The following CDH12 variants were observed in gnomAD, a reference collection of about 807,000 sequenced individuals.
CDH12 encodes cadherin-12.
A neutral mutation model predicts 74.1 loss-of-function variants in CDH12; 41 were observed. That is an observed-to-expected ratio of 0.55 (90% confidence interval 0.43 to 0.72). The LOEUF is 0.72. Ranked by LOEUF, CDH12 falls within the 30% of genes least tolerant of loss-of-function variation. The probability of loss-of-function intolerance (pLI) is 0.00; values close to 1 mark genes in which losing one functional copy is unlikely to be tolerated. For synonymous variants in CDH12, 399 were observed against 355.0 expected (o/e 1.12, Z -1.39); for missense variants, 945 against 977.2 (o/e 0.97, Z 0.44).
intron 4 of CDH12, among the ~76,000 whole-genome samples, chr5:22,083,507 T>A (rs776746624): frequency 1.3e-5 from 2 of 152,208 alleles, no homozygotes; most frequent in Non-Finnish European, 2.9e-5. Context: ...AGGCACCAAG[T>A]ACATCTTTGT....
Position 21,802,425 on chromosome 5 carries a change from A to G in CDH12, c.1003-5T>C. ...CTTTGTTTCAAAATCTAAAGGCTGTAGTGAGGACAAATTAAGAATAAGGAG... is the reference window on the plus strand; with the variant it reads ...CTTTGTTTCAAAATCTAAAGGCTGTGGTGAGGACAAATTAAGAATAAGGAG... On this transcript the variant is annotated splice_region_variant and splice_polypyrimidine_tract_variant and intron_variant, in intron 9 of 14. Transcript: ENST00000382254. 6.2e-7 allele frequency: 1 copy of G among 1,610,008 alleles called. No individual in the cohort carries two copies. Among genetic ancestry groups the G allele is most frequent in the Non-Finnish European group, 8.5e-7 (1 of 1,176,534 alleles).
intron 5 of CDH12, among the ~76,000 whole-genome samples, chr5:22,026,750 C>A (rs1738386691): frequency 6.6e-6 from 1 of 151,996 alleles, no homozygotes; most frequent in African/African-American, 2.4e-5. Context: ...TTGAGCACAC[C>A]CACACTCCTG....
At chr5:22,469,020 G>T (rs1745851427) in intron 2 of CDH12, among the ~76,000 whole-genome samples, 1 of 152,038 alleles carries the variant, frequency 6.6e-6, no homozygotes, top group Non-Finnish European at 1.5e-5. Context: ...GTTACCTGTG[G>T]TACTTAATAA....
At chr5:21,846,546 A>T (rs1201031803) in intron 7 of CDH12, among the ~76,000 whole-genome samples, 1 of 151,960 alleles carries the variant, frequency 6.6e-6, no homozygotes, top group Non-Finnish European at 1.5e-5. Flanking sequence ...GTTCACTGTA[A>T]ATTTATTATT....
At chr5:22,543,214 T>C (rs1738179418) in intron 1 of CDH12, among the ~76,000 whole-genome samples, 1 of 152,104 alleles carries the variant, frequency 6.6e-6, no homozygotes, top group Non-Finnish European at 1.5e-5. Context: ...AATGGGATAA[T>C]ACACATAAAA....
intron 1 of CDH12, among the ~76,000 whole-genome samples, chr5:22,532,598 C>G (rs1737645101): frequency 6.6e-6 from 1 of 151,068 alleles, no homozygotes; most frequent in Admixed American, 6.6e-5. Flanking sequence ...TTTAATTTTA[C>G]CATTGGGAAG....
intron 4 of CDH12, among the ~76,000 whole-genome samples, chr5:22,114,769 C>T (rs1342319237): frequency 6.6e-6 from 1 of 152,118 alleles, no homozygotes; most frequent in Non-Finnish European, 1.5e-5. Flanking sequence ...TCTTCCTTCA[C>T]ATTGATGTGC....
chr5:22,539,677 C>A (rs1441792896), intron 1 of CDH12, among the ~76,000 whole-genome samples: 2 of 152,118 alleles, frequency 1.3e-5, no homozygotes, highest in Non-Finnish European at 2.9e-5. Context: ...GTGCTAAAAT[C>A]CAATTCCAGA....
intron 1 of CDH12, among the ~76,000 whole-genome samples, chr5:22,511,432 T>C (rs1736600841): frequency 1.3e-5 from 2 of 151,882 alleles, no homozygotes; most frequent in African/African-American, 4.8e-5. Context: ...AATGGAATAT[T>C]TACAAAAAGA....
intron 9 of CDH12, among the ~76,000 whole-genome samples, chr5:21,805,172 C>A (rs911862099): frequency 6.6e-6 from 1 of 151,960 alleles, no homozygotes. Flanking sequence ...ACGTTTGTAC[C>A]AATCATTCCC....
chr5:21,962,585 T>C (rs1756408263), intron 6 of CDH12, among the ~76,000 whole-genome samples: 1 of 152,158 alleles, frequency 6.6e-6, no homozygotes, highest in South Asian at 2.1e-4. Flanking sequence ...CCTGCTTCTT[T>C]GCATAACTTG....
At chr5:22,392,835 A>T (rs1290718987) in intron 3 of CDH12, among the ~76,000 whole-genome samples, 1 of 152,118 alleles carries the variant, frequency 6.6e-6, no homozygotes, top group Non-Finnish European at 1.5e-5. Flanking sequence ...TAGTGGAGAG[A>T]TTGCTTGGGA....
At chr5:22,047,526 A>G in intron 5 of CDH12, among the ~76,000 whole-genome samples, 1 of 148,090 alleles carries the variant, frequency 6.8e-6, no homozygotes, top group African/African-American at 2.5e-5. Context: ...AAAAGTAAAC[A>G]CCCCCCCCCA....
chr5:22,717,544 T>C (rs1580921810), intron 1 of CDH12, among the ~76,000 whole-genome samples: 3 of 152,174 alleles, frequency 2.0e-5, no homozygotes, highest in South Asian at 4.1e-4. Flanking sequence ...AAGTGGAGTA[T>C]ATTTTCTACA....
At chr5:21,887,629 C>A (rs1255477230) in intron 6 of CDH12, among the ~76,000 whole-genome samples, 1 of 152,168 alleles carries the variant, frequency 6.6e-6, no homozygotes, top group Non-Finnish European at 1.5e-5. Flanking sequence ...ATTGAACATA[C>A]CCCCTTCTTC....
At chr5:22,159,335 GT>G (rs1304894781) in intron 4 of CDH12, among the ~76,000 whole-genome samples, 1 of 152,038 alleles carries the variant, frequency 6.6e-6, no homozygotes, top group African/African-American at 2.4e-5. Context: ...AAAATGAATA[GT>G]TTTCTCCAAA....
intron 9 of CDH12, among the ~76,000 whole-genome samples, chr5:21,807,943 A>G (rs141823984): frequency 6.6e-6 from 1 of 152,270 alleles, no homozygotes; most frequent in East Asian, 1.9e-4. Context: ...GAGACCCCTT[A>G]AAAGAAAGGA....
intron 6 of CDH12, among the ~76,000 whole-genome samples, chr5:21,892,630 A>G (rs1281200696): frequency 6.6e-6 from 1 of 152,120 alleles, no homozygotes; most frequent in Non-Finnish European, 1.5e-5. Context: ...TTTTTATTTT[A>G]ATAAATATAT....
chr5:22,688,217 T>C (rs1229899791), intron 1 of CDH12, among the ~76,000 whole-genome samples: 1 of 152,160 alleles, frequency 6.6e-6, no homozygotes, highest in Non-Finnish European at 1.5e-5. Context: ...AGGCATTAGA[T>C]AAAATATATT....
Sources: allele counts gnomAD v4.1 joint callset (sites outside exome capture counted in the v4.1 genomes callset), GRCh38; gene constraint gnomAD v4.1.1; transcripts MANE v1.5; gene names NCBI Gene and HGNC (gene_info 2026-07-23, HGNC 2026-07-21).